The following MAP2K1 variants were observed in gnomAD, a reference collection of about 807,000 sequenced individuals.
MAP2K1 encodes dual specificity mitogen-activated protein kinase kinase 1.
In MAP2K1, 16 loss-of-function variants were observed where a neutral mutation model predicts 46.3. The observed-to-expected ratio is 0.35, with a 90% CI of 0.23 to 0.52. The LOEUF (loss-of-function observed/expected upper bound fraction) is 0.52. Ranked by LOEUF, MAP2K1 falls within the 20% of genes least tolerant of loss-of-function variation. The pLI is 0.94. For missense variants in MAP2K1, 263 were observed against 497.1 expected, an observed-to-expected ratio of 0.53 and a Z score of 4.48; for synonymous variants, 183 against 185.6, an observed-to-expected ratio of 0.99 and a Z score of 0.11.
intron 5 of MAP2K1, chr15:66,446,776 C>A: frequency 3.4e-6 from 1 of 293,630 alleles, no homozygotes; most frequent in Non-Finnish European, 7.1e-6. Flanking sequence ...CCACAGCCTT[C>A]CACATATTTC....
At chr15:66,432,197 C>T (rs1227059930) in intron 1 of MAP2K1, among the ~76,000 whole-genome samples, 1 of 152,154 alleles carries the variant, frequency 6.6e-6, no homozygotes, top group Admixed American at 6.5e-5. Flanking sequence ...ATCTCCAGTC[C>T]TCATCCATAC....
chr15:66,433,441 C>T (rs1236280624), intron 1 of MAP2K1, among the ~76,000 whole-genome samples: 1 of 152,154 alleles, frequency 6.6e-6, no homozygotes, highest in Non-Finnish European at 1.5e-5. Flanking sequence ...TAGCTGCCTT[C>T]CTACTGTGTG....
intron 3 of MAP2K1, among the ~76,000 whole-genome samples, chr15:66,439,396 C>CT (rs1343414324): frequency 7.2e-5 from 11 of 152,198 alleles, no homozygotes; most frequent in Non-Finnish European, 4.4e-5. Context: ...CTTTGGGAGG[C>CT]TGAAGTGAGC....
rs572768387 is a variant in MAP2K1, at chr15:66,416,132, G to C, written c.81-18895G>C. ...AGGATATTCTCAGGATTAAACTTGG[G>C]GATTACATTTTCTGACCTTCACTTT... On this transcript the variant is annotated intron_variant, in intron 1 of 10. Transcript: ENST00000307102. Among the ~76,000 whole-genome samples, 13 of 152,096 alleles carry C rather than the reference G, an allele frequency of 8.5e-5. No individual in the cohort carries two copies. The South Asian group carries it at 2.7e-3, about 32-fold the overall frequency.
rs748223054 is a variant in MAP2K1, at chr15:66,490,496, A to T, written c.1069-6A>T. 6.3e-7 allele frequency: 1 copy of T among 1,596,856 alleles called. No individual in the cohort carries two copies. The highest frequency in any genetic ancestry group is 8.6e-7 in the Non-Finnish European group (1 of 1,164,288). On this transcript the variant is annotated splice_region_variant and splice_polypyrimidine_tract_variant and intron_variant, in intron 10 of 10. Transcript: ENST00000307102. ...ACACCACGTCCTCTCGTTTCCTTACATGCAGGTTCATGCTTTTATCAAGAG... is the reference window on the plus strand; with the variant it reads ...ACACCACGTCCTCTCGTTTCCTTACTTGCAGGTTCATGCTTTTATCAAGAG...
chr15:66,416,540 C>G (rs1401738133), intron 1 of MAP2K1, among the ~76,000 whole-genome samples: 17 of 152,162 alleles, frequency 1.1e-4, no homozygotes, highest in Non-Finnish European at 2.9e-5. Context: ...GAGATTCACT[C>G]AAGTTACCTA....
intron 1 of MAP2K1, among the ~76,000 whole-genome samples, 169 bp from the exon 2 acceptor site, chr15:66,434,858 G>T (rs1456975247): frequency 1.3e-5 from 2 of 152,214 alleles, no homozygotes; most frequent in Non-Finnish European, 2.9e-5. Flanking sequence ...ATCCCGGGTG[G>T]CTGGAGTGAA....
chr15:66,473,189 G>C (rs1567022082), intron 5 of MAP2K1, among the ~76,000 whole-genome samples: 2 of 152,250 alleles, frequency 1.3e-5, no homozygotes, highest in Admixed American at 1.3e-4. Context: ...ATGTTATTTT[G>C]TGACCTTTGG....
chr15:66,474,412 G>A (rs1434013439), intron 5 of MAP2K1, among the ~76,000 whole-genome samples: 7 of 152,134 alleles, frequency 4.6e-5, no homozygotes, highest in African/African-American at 1.7e-4. Flanking sequence ...AAGAAGCATC[G>A]TGCTCACTCG....
chr15:66,412,113 A>G (rs185578181), intron 1 of MAP2K1, among the ~76,000 whole-genome samples: 2 of 152,376 alleles, frequency 1.3e-5, no homozygotes, highest in East Asian at 1.9e-4. Context: ...AGTAATGTGT[A>G]TGTGAAATGA....
chr15:66,442,152 C>G (rs2093505856), intron 3 of MAP2K1, among the ~76,000 whole-genome samples: 1 of 152,216 alleles, frequency 6.6e-6, no homozygotes, highest in South Asian at 2.1e-4. Flanking sequence ...CCTTACCAGT[C>G]TCTCTGCCTC....
At chr15:66,404,674 AACAGGTGTT>A (rs2093391694) in intron 1 of MAP2K1, among the ~76,000 whole-genome samples, 1 of 152,240 alleles carries the variant, frequency 6.6e-6, no homozygotes, top group Admixed American at 6.5e-5. Context: ...AGAAACCACC[AACAGGTGTT>A]TCGGTTACGT....
intron 5 of MAP2K1, among the ~76,000 whole-genome samples, chr15:66,460,694 C>T (rs1892296039): frequency 6.6e-6 from 1 of 152,110 alleles, no homozygotes; most frequent in Non-Finnish European, 1.5e-5. Flanking sequence ...GAGGACTCTA[C>T]TGTTACGGCT....
intron 10 of MAP2K1, chr15:66,490,300 C>T: frequency 1.4e-6 from 1 of 690,600 alleles, no homozygotes; most frequent in Non-Finnish European, 2.7e-6. Context: ...GGTGACTTGC[C>T]CAAGGCCTCA....
chr15:66,457,090 C>A (rs999589532), intron 5 of MAP2K1, among the ~76,000 whole-genome samples: 1 of 151,986 alleles, frequency 6.6e-6, no homozygotes, highest in Non-Finnish European at 1.5e-5. Flanking sequence ...AATTTTGTGA[C>A]ATGTAACAAT....
chr15:66,422,200 GT>G (rs1348121533), intron 1 of MAP2K1, among the ~76,000 whole-genome samples: 1 of 152,124 alleles, frequency 6.6e-6, no homozygotes, highest in Non-Finnish European at 1.5e-5. Context: ...ATTTATCTAT[GT>G]TTCTTTGCAG....
chr15:66,472,242 TGTA>T (rs1466685682), intron 5 of MAP2K1, among the ~76,000 whole-genome samples: 1 of 151,352 alleles, frequency 6.6e-6, no homozygotes, highest in African/African-American at 2.4e-5. Context: ...GAGGCAGAGT[TGTA>T]GTGAGCTGAG....
At chr15:66,413,583 A>G (rs1337147066) in intron 1 of MAP2K1, among the ~76,000 whole-genome samples, 1 of 152,000 alleles carries the variant, frequency 6.6e-6, no homozygotes, top group Admixed American at 6.6e-5. Context: ...CCACAAAAAT[A>G]TTTCTCACTG....
At chr15:66,425,422 T>C (rs1457880039) in intron 1 of MAP2K1, among the ~76,000 whole-genome samples, 1 of 152,188 alleles carries the variant, frequency 6.6e-6, no homozygotes, top group Admixed American at 6.5e-5. Context: ...TAGCTGCTTG[T>C]GCAAATCACA....
Sources: allele counts gnomAD v4.1 joint callset (sites outside exome capture counted in the v4.1 genomes callset), GRCh38; gene constraint gnomAD v4.1.1; transcripts MANE v1.5; gene names NCBI Gene and HGNC (gene_info 2026-07-23, HGNC 2026-07-21).